ASCC3: variants seen among roughly 807,000 people sequenced by gnomAD.
ASCC3 encodes activating signal cointegrator 1 complex subunit 3.
ASCC3 carries 158 observed loss-of-function variants against 256.3 expected under a neutral mutation model. That is an observed-to-expected ratio of 0.62 (90% CI 0.54 to 0.70). The LOEUF is 0.70. Among genes scored for constraint, ASCC3 ranks in the 30% least tolerant of loss-of-function variants. The probability of loss-of-function intolerance (pLI) is 0.00; values close to 1 mark genes in which losing one functional copy is unlikely to be tolerated. For synonymous variants in ASCC3, 948 were observed against 883.4 expected, an observed-to-expected ratio of 1.07 and a Z score of -1.30; for missense variants, 2,259 against 2,626.0, an observed-to-expected ratio of 0.86 and a Z score of 3.05.
chr6:100,877,448 T>C lies in ASCC3; in HGVS notation c.-42+3613A>G, dbSNP rs572023352. ...ATATTTATATTTTATTGTGCCTTTT[T>C]TAAAAATTGAGTTGTGATATTGTTA... On this transcript the variant is annotated intron_variant, in intron 1 of 41. Transcript: ENST00000369162. 3.3e-5 allele frequency among the ~76,000 whole-genome samples: 5 copies of C among 152,320 alleles called. No individual in the cohort carries two copies. The East Asian group carries it at 9.6e-4, about 29-fold the overall frequency.
At chr6:100,572,170 G>A (rs1770625422) in intron 36 of ASCC3, among the ~76,000 whole-genome samples, 1 of 152,116 alleles carries the variant, frequency 6.6e-6, no homozygotes, top group African/African-American at 2.4e-5. Flanking sequence ...GGAAGTGGGG[G>A]CTTTGGGGAG....
intron 13 of ASCC3, among the ~76,000 whole-genome samples, chr6:100,693,449 G>C (rs1294774528): frequency 1.3e-5 from 2 of 151,980 alleles, no homozygotes; most frequent in African/African-American, 2.4e-5. Context: ...TTACAGGTCT[G>C]TCTTATTATA....
chr6:100,781,063 A>G (rs1291141291), intron 8 of ASCC3, among the ~76,000 whole-genome samples: 1 of 152,144 alleles, frequency 6.6e-6, no homozygotes, highest in African/African-American at 2.4e-5. Flanking sequence ...AGCACAGTAA[A>G]TGGTGTAAAG....
chr6:100,703,942 T>C (rs906921132), intron 13 of ASCC3, among the ~76,000 whole-genome samples: 1 of 151,564 alleles, frequency 6.6e-6, no homozygotes, highest in Non-Finnish European at 1.5e-5. Context: ...TATACAAATA[T>C]ATTAATGAAA....
At chr6:100,516,078 C>T (rs549241378) in intron 39 of ASCC3, 102 bp downstream of exon 39, 15 of 1,404,606 alleles carry the variant, frequency 1.1e-5, no homozygotes, top group Middle Eastern at 2.2e-4. Context: ...CAATTTAACT[C>T]AAGGTGAGCC....
chr6:100,835,932 G>A (rs1268023148), intron 4 of ASCC3, among the ~76,000 whole-genome samples: 1 of 151,954 alleles, frequency 6.6e-6, no homozygotes, highest in Non-Finnish European at 1.5e-5. Flanking sequence ...TTTCATCAAT[G>A]TTTTATATGT....
intron 37 of ASCC3, 86 bp downstream of exon 37, chr6:100,540,076 GC>G (rs1775371552): frequency 8.1e-7 from 1 of 1,230,764 alleles, no homozygotes; most frequent in African/African-American, 1.5e-5. Context: ...GTTGTTAAAT[GC>G]AAGTACATTT....
intron 38 of ASCC3, among the ~76,000 whole-genome samples, chr6:100,517,668 A>T (rs565087125): frequency 6.6e-6 from 1 of 152,188 alleles, no homozygotes; most frequent in South Asian, 2.1e-4. Flanking sequence ...GCTTTAGATC[A>T]CAAAGCATTT....
intron 27 of ASCC3, 82 bp from the exon 28 acceptor site, chr6:100,628,069 T>C (rs1171319819): frequency 7.1e-7 from 1 of 1,398,822 alleles, no homozygotes; most frequent in Non-Finnish European, 9.8e-7. Context: ...GAAGAGTTTG[T>C]AGCTTCCTCA....
intron 13 of ASCC3, among the ~76,000 whole-genome samples, chr6:100,712,222 A>G (rs1325992305): frequency 6.6e-6 from 1 of 152,230 alleles, no homozygotes; most frequent in Non-Finnish European, 1.5e-5. Flanking sequence ...AACTCTTTAT[A>G]TACAACACCA....
At chr6:100,579,769 C>T (rs1370691564) in intron 36 of ASCC3, among the ~76,000 whole-genome samples, 1 of 152,046 alleles carries the variant, frequency 6.6e-6, no homozygotes, top group Non-Finnish European at 1.5e-5. Flanking sequence ...CATGATATCT[C>T]CAGCTTGGTT....
chr6:100,879,160 G>T (rs913265934), intron 1 of ASCC3, among the ~76,000 whole-genome samples: 2 of 152,100 alleles, frequency 1.3e-5, no homozygotes, highest in Admixed American at 6.5e-5. Context: ...CATAGGATAG[G>T]GTAATTTATA....
rs995414399 is a variant in ASCC3 at position 100,529,316 on chromosome 6, T to C, written c.5775+10847A>G. ...ATTATTTTCAATTATTGTAGCTTTA[T>C]GGGAGAATGTGAGGAAACAAGTGGT... On this transcript the variant is annotated intron_variant, in intron 37 of 41. Transcript: ENST00000369162. 6.6e-5 allele frequency among the ~76,000 whole-genome samples: 10 copies of C among 152,300 alleles called. No homozygotes were observed. In the South Asian group the frequency reaches 1.2e-3, roughly 19 times the overall value.
chr6:100,647,482 A>T, intron 20 of ASCC3, 31 bp from the exon 21 acceptor site: 1 of 1,564,354 alleles, frequency 6.4e-7, no homozygotes, highest in Non-Finnish European at 8.8e-7. Context: ...ATTGGTGGTT[A>T]TACCCAATGT....
At chr6:100,522,509 G>C (rs1173883072) in intron 37 of ASCC3, among the ~76,000 whole-genome samples, 1 of 152,030 alleles carries the variant, frequency 6.6e-6, no homozygotes, top group Non-Finnish European at 1.5e-5. Flanking sequence ...TCTGGAGAAA[G>C]TGTATGGGCT....
chr6:100,583,719 G>A (rs1217957570), intron 36 of ASCC3, among the ~76,000 whole-genome samples: 1 of 151,826 alleles, frequency 6.6e-6, no homozygotes, highest in Non-Finnish European at 1.5e-5. Context: ...TCTCTTATGG[G>A]CATTTAGTGC....
chr6:100,774,694 G>T (rs1782105580), intron 8 of ASCC3, among the ~76,000 whole-genome samples: 2 of 151,964 alleles, frequency 1.3e-5, no homozygotes, highest in African/African-American at 2.4e-5. Context: ...TAGAGACAAG[G>T]TCTTGCTGGT....
intron 30 of ASCC3, among the ~76,000 whole-genome samples, chr6:100,609,220 T>A (rs897786349): frequency 1.3e-5 from 2 of 151,970 alleles, no homozygotes; most frequent in African/African-American, 4.8e-5. Flanking sequence ...CTTCAACTTC[T>A]GTTATAGTTT....
At chr6:100,636,028 T>C (rs574029328) in intron 25 of ASCC3, among the ~76,000 whole-genome samples, 1 of 152,318 alleles carries the variant, frequency 6.6e-6, no homozygotes, top group African/African-American at 2.4e-5. Context: ...TGTCACTACA[T>C]ACATTAGAAA....
Sources: gnomAD v4.1 joint callset for allele counts (sites outside exome capture counted in the v4.1 genomes callset) on GRCh38, gnomAD v4.1.1 for gene constraint, MANE v1.5 for transcripts, NCBI Gene and HGNC (gene_info 2026-07-23, HGNC 2026-07-21) for gene names.